GRM1: variants seen among roughly 807,000 people sequenced by gnomAD.
The protein encoded by GRM1 is glutamate metabotropic receptor 1.
In GRM1, 33 loss-of-function variants were observed where a neutral mutation model predicts 90.9. That is an observed-to-expected ratio of 0.36 (90% CI 0.28 to 0.49). The LOEUF (loss-of-function observed/expected upper bound fraction) is 0.49. Among genes scored for constraint, GRM1 ranks in the 20% least tolerant of loss-of-function variants. The pLI is 0.99. For synonymous variants in GRM1, 700 were observed against 613.2 expected (o/e 1.14, Z -2.09); for missense variants, 1,190 against 1,534.3 (o/e 0.78, Z 3.75).
intron 5 of GRM1, among the ~76,000 whole-genome samples, chr6:146,366,384 A>C (rs747712658): frequency 5.3e-5 from 8 of 152,194 alleles, no homozygotes; most frequent in Non-Finnish European, 7.3e-5. Context: ...TAAAATATAC[A>C]ATAAATTATT....
chr6:146,219,247 T>C (rs531998489), intron 2 of GRM1, among the ~76,000 whole-genome samples: 9 of 152,232 alleles, frequency 5.9e-5, no homozygotes, highest in African/African-American at 2.2e-4. Flanking sequence ...TGGGAATATT[T>C]TAAATGTGTG....
intron 1 of GRM1, among the ~76,000 whole-genome samples, chr6:146,034,673 G>T (rs1316803422): frequency 1.3e-5 from 2 of 151,804 alleles, no homozygotes; most frequent in African/African-American, 4.8e-5. Flanking sequence ...ATAAGATAAG[G>T]GTCGAAAGTA....
chr6:146,403,731 A>G (rs996736696), intron 7 of GRM1, among the ~76,000 whole-genome samples: 1 of 152,098 alleles, frequency 6.6e-6, no homozygotes, highest in African/African-American at 2.4e-5. Context: ...GAGTTTACAG[A>G]TATCATGGCC....
chr6:146,364,593 G>A (rs1180195535), intron 5 of GRM1, among the ~76,000 whole-genome samples: 1 of 152,128 alleles, frequency 6.6e-6, no homozygotes, highest in Non-Finnish European at 1.5e-5. Context: ...TTGTCCAGCT[G>A]TGTCTTAAAA....
intron 7 of GRM1, among the ~76,000 whole-genome samples, chr6:146,412,358 T>G (rs535084008): frequency 1.1e-4 from 17 of 152,266 alleles, no homozygotes; most frequent in Non-Finnish European, 2.1e-4. Context: ...GAGAGCCAGA[T>G]CCTGGCTGGC....
chr6:146,360,925 A>G (rs750184168), intron 5 of GRM1, among the ~76,000 whole-genome samples: 7 of 152,244 alleles, frequency 4.6e-5, no homozygotes, highest in Admixed American at 3.3e-4. Context: ...TTCACTGAGC[A>G]TAACTAATCA....
In GRM1 at chr6:146,221,045, T is replaced by C. The variant is rs142051812; in HGVS notation, c.950+61448T>C. Among the ~76,000 whole-genome samples the C allele has an allele frequency of 4.9e-3, 747 of 152,102 alleles. 5 individuals carry two copies. The highest frequency in any genetic ancestry group is 0.017 in the African/African-American group (697 of 41,514). ...CTGAAACCAGGTAAGAGTCTGGTTG[T>C]GTCGTAAAAGCAATGGGGACTTGCT... On this transcript the variant is annotated intron_variant, in intron 2 of 7. Coordinates refer to ENST00000282753, the MANE Select transcript of GRM1 (RefSeq NM_001278064.2).
At chr6:146,105,816 A>G (rs970266666) in intron 1 of GRM1, among the ~76,000 whole-genome samples, 1 of 152,210 alleles carries the variant, frequency 6.6e-6, no homozygotes, top group African/African-American at 2.4e-5. Context: ...CCTTTAAGGT[A>G]GTTCATTTAA....
intron 2 of GRM1, among the ~76,000 whole-genome samples, chr6:146,273,252 T>C (rs1203534742): frequency 6.6e-6 from 1 of 152,116 alleles, no homozygotes; most frequent in African/African-American, 2.4e-5. Flanking sequence ...GGGGCTTCCT[T>C]GGTGTAGGGG....
intron 7 of GRM1, among the ~76,000 whole-genome samples, chr6:146,422,463 A>G (rs1424088878): frequency 1.3e-5 from 2 of 152,196 alleles, no homozygotes; most frequent in Non-Finnish European, 1.5e-5. Context: ...CCATCCTTCA[A>G]AATAAGGGTA....
chr6:146,186,095 GTTTTTT>G (rs111964915), intron 2 of GRM1, among the ~76,000 whole-genome samples: 1 of 131,202 alleles, frequency 7.6e-6, no homozygotes, highest in Non-Finnish European at 1.6e-5. Flanking sequence ...ATTACAGCTG[GTTTTTT>G]TTTTTTTTTG....
In GRM1 at chr6:146,141,602, T is replaced by C. The variant is rs569614083; in HGVS notation, c.701-17746T>C. Reference sequence around the variant, plus strand: ...TATTTGTTTGTCTCCTCTGACCATGTGTTTTCAAATAATCCGTCTTCAAGC... The same window carrying C: ...TATTTGTTTGTCTCCTCTGACCATGCGTTTTCAAATAATCCGTCTTCAAGC... On this transcript the variant is annotated intron_variant, in intron 1 of 7. Transcript: ENST00000282753. Among the ~76,000 whole-genome samples, 4 of 152,342 alleles carry C rather than the reference T, an allele frequency of 2.6e-5. No individual in the cohort carries two copies. In the East Asian group the frequency reaches 5.8e-4, roughly 22 times the overall value.
At chr6:146,244,577 C>T (rs999466760) in intron 2 of GRM1, among the ~76,000 whole-genome samples, 4 of 152,272 alleles carry the variant, frequency 2.6e-5, no homozygotes, top group African/African-American at 9.6e-5. Flanking sequence ...GCAACAGTTA[C>T]CTTTCCTTCT....
At chr6:146,291,449 T>C (rs1782981852) in intron 2 of GRM1, among the ~76,000 whole-genome samples, 1 of 151,400 alleles carries the variant, frequency 6.6e-6, no homozygotes, top group South Asian at 2.1e-4. Flanking sequence ...TTTGCTTCTG[T>C]AGTGTGCATG....
chr6:146,308,428 G>A (rs781087673), intron 3 of GRM1, among the ~76,000 whole-genome samples: 1 of 152,126 alleles, frequency 6.6e-6, no homozygotes, highest in Non-Finnish European at 1.5e-5. Flanking sequence ...GTTACTACTA[G>A]TGTCATGTCT....
At chr6:146,375,776 G>T (rs1012632303) in intron 5 of GRM1, among the ~76,000 whole-genome samples, 1 of 151,998 alleles carries the variant, frequency 6.6e-6, no homozygotes, top group African/African-American at 2.4e-5. Flanking sequence ...GTCTAACCAT[G>T]TCTTTATAGG....
chr6:146,373,301 G>A (rs1291761173), intron 5 of GRM1, among the ~76,000 whole-genome samples: 1 of 152,108 alleles, frequency 6.6e-6, no homozygotes, highest in African/African-American at 2.4e-5. Flanking sequence ...ATATGCTCAT[G>A]GTTTTGTGGG....
intron 2 of GRM1, among the ~76,000 whole-genome samples, chr6:146,245,673 T>C (rs1399454164): frequency 3.9e-5 from 6 of 152,184 alleles, no homozygotes. Flanking sequence ...GTGCCTACAC[T>C]TCATAATTTC....
chr6:146,246,123 T>G (rs6935916), intron 2 of GRM1, among the ~76,000 whole-genome samples: 9,257 of 152,230 alleles, frequency 0.061, 935 homozygotes, highest in African/African-American at 0.21. Context: ...TCTTTGTGCT[T>G]GAAGTCTTGG....
Sources: gnomAD v4.1 joint callset for allele counts (sites outside exome capture counted in the v4.1 genomes callset) on GRCh38, gnomAD v4.1.1 for gene constraint, MANE v1.5 for transcripts, NCBI Gene and HGNC (gene_info 2026-07-23, HGNC 2026-07-21) for gene names.